The following CCDC181 variants were observed in gnomAD, a reference collection of about 807,000 sequenced individuals.
The protein encoded by CCDC181 is coiled-coil domain containing 181, also known as coiled-coil domain-containing protein 181.
In CCDC181, 35 loss-of-function variants were observed where a neutral mutation model predicts 58.7. The ratio of observed to expected loss-of-function variants is 0.60; its 90% CI spans 0.46 to 0.79. The LOEUF (loss-of-function observed/expected upper bound fraction) is 0.79, where lower values mean the gene tolerates loss of function less well. Among genes scored for constraint, CCDC181 ranks in the 30% least tolerant of loss-of-function variants. The probability of loss-of-function intolerance (pLI) is 0.00; values close to 1 mark genes in which losing one functional copy is unlikely to be tolerated. For synonymous variants in CCDC181, 183 were observed against 197.5 expected (o/e 0.93, Z 0.62); for missense variants, 517 against 583.9 (o/e 0.89, Z 1.18).
chr1:169,427,410 A>C lies in CCDC181; in HGVS notation c.-146T>G, dbSNP rs554255589. 5 of 152,492 alleles carry C rather than the reference A, an allele frequency of 3.3e-5. No individual in the cohort carries two copies. In the East Asian group the frequency reaches 5.8e-4, roughly 18 times the overall value. 9.4% of individuals were successfully genotyped at this position (152,492 alleles called of 1,614,324 possible). A position where few individuals can be genotyped will look rare whatever the true frequency, so the allele number is the denominator to read the frequency against. The stretch of plus-strand genomic sequence containing the variant: ...GGCACCTGCCTCCGCGGCAGCCAGG[A>C]CCACACTGCCATGGCAACAGCGTGC... On this transcript the variant is annotated 5_prime_UTR_variant, in exon 1 of 6. Coordinates refer to ENST00000367806, the MANE Select transcript of CCDC181 (RefSeq NM_001300969.2).
rs1293749854 is a variant in CCDC181, at chr1:169,421,960, C to A, written c.471G>T (p.Gln157His). The A allele has an allele frequency of 1.2e-6, 2 of 1,614,034 alleles. No homozygotes were observed. The highest frequency in any genetic ancestry group is 4.5e-5 in the East Asian group (2 of 44,878). The change falls in exon 3 of 6, where the codon CAG becomes CAT. Residue 157 changes from glutamine (Q) to histidine (H), a missense_variant. Gln to His is a conservative substitution (Grantham distance 24, BLOSUM62 0). Coordinates refer to ENST00000367806, the MANE Select transcript of CCDC181 (RefSeq NM_001300969.2). ...KRERKLKFKD[Q>H]LVDLEVPPLE... ...GTGGAGGAACTTCCAAATCAACTAA[C>A]TGGTCCTTGAACTTAAGTTTTCGCT...
intron 4 of CCDC181, among the ~76,000 whole-genome samples, chr1:169,401,916 T>A (rs533484369): frequency 6.6e-6 from 1 of 152,038 alleles, no homozygotes; most frequent in Non-Finnish European, 1.5e-5. Flanking sequence ...AAAAAAAGAT[T>A]AGACGAATGG....
intron 4 of CCDC181, among the ~76,000 whole-genome samples, chr1:169,400,366 T>C (rs943712651): frequency 3.3e-5 from 5 of 152,124 alleles, no homozygotes; most frequent in African/African-American, 9.7e-5. Context: ...AAAAATTCAA[T>C]ACCCTTTAAA....
chr1:169,415,211 A>G (rs1656160650), intron 4 of CCDC181, among the ~76,000 whole-genome samples: 1 of 152,238 alleles, frequency 6.6e-6, no homozygotes, highest in Admixed American at 6.5e-5. Flanking sequence ...GAATGCCATG[A>G]GGCCTGAAGG....
At chr1:169,436,478 T>A (rs1163610333) in intron 2 of CCDC181, among the ~76,000 whole-genome samples, 1 of 152,184 alleles carries the variant, frequency 6.6e-6, no homozygotes, top group Non-Finnish European at 1.5e-5. Flanking sequence ...CAGTCATGGC[T>A]CACTGAAACC....
chr1:169,397,541 C>G lies in CCDC181; in HGVS notation c.1216-150G>C, dbSNP rs533946473. 4.9e-5 allele frequency: 30 copies of G among 618,500 alleles called. No individual in the cohort carries two copies. In the African/African-American group the frequency reaches 5.5e-4, roughly 11 times the overall value. The allele number at this position is 618,500 out of a possible 1,614,324, so 38.3% of individuals were successfully genotyped here. A position where few individuals can be genotyped will look rare whatever the true frequency, so the allele number is the denominator to read the frequency against. ...TTACCTGCATTCCTAGTATCCAAAC[C>G]AAATACATCACGCTTAAGTTTTAAG... On this transcript the variant is annotated intron_variant, in intron 4 of 5. Transcript: ENST00000367806.
intron 4 of CCDC181, among the ~76,000 whole-genome samples, chr1:169,401,625 C>T (rs1655353025): frequency 6.6e-6 from 1 of 152,076 alleles, no homozygotes; most frequent in Non-Finnish European, 1.5e-5. Context: ...ACAGAAAGGA[C>T]ATCCACACCA....
At chr1:169,423,610 A>G (rs1248508568) in intron 2 of CCDC181, among the ~76,000 whole-genome samples, 1 of 151,966 alleles carries the variant, frequency 6.6e-6, no homozygotes, top group African/African-American at 2.4e-5. Flanking sequence ...TGCTATATAT[A>G]TCCCTAGCAC....
At position 169,422,285 on chromosome 1, in the gene CCDC181, T is replaced by C; in HGVS notation, c.146A>G (p.Asn49Ser). The change falls in exon 3 of 6, where the codon AAC (asparagine) becomes AGC (serine). Residue 49 changes from asparagine (N) to serine (S), a missense_variant. Asn to Ser is a conservative substitution (Grantham distance 46). Coordinates refer to ENST00000367806, the MANE Select transcript of CCDC181 (RefSeq NM_001300969.2). ...EMACEKEENI[N>S]QDLKENETVM... ...TGTCTCATTCTCTTTTAAGTCTTGG[T>C]TAATATTCTCTTCCTTCTCACAAGC... 6.4e-7 allele frequency: 1 copy of C among 1,573,354 alleles called. No individual in the cohort carries two copies. Among genetic ancestry groups the C allele is most frequent in the South Asian group, 1.2e-5 (1 of 85,960 alleles).
intron 4 of CCDC181, among the ~76,000 whole-genome samples, chr1:169,407,311 T>C (rs1010817725): frequency 3.3e-5 from 5 of 152,094 alleles, no homozygotes; most frequent in South Asian, 2.1e-4. Context: ...ACAAAGGACA[T>C]TGTAAAACAA....
intron 4 of CCDC181, among the ~76,000 whole-genome samples, chr1:169,413,552 A>C (rs1656072787): frequency 6.6e-6 from 1 of 152,226 alleles, no homozygotes; most frequent in Non-Finnish European, 1.5e-5. Context: ...TTATTCTACT[A>C]TAAAGACACA....
rs1448518780 is a variant in CCDC181 at position 169,459,927 on chromosome 1, AAAG to A, written c.-91-66_-91-64del. ...TAGGAAAAAAAAAAAAAAAAAAAAA[AAAG>A]GAGGAGGCGGAGGGGAAGCAGGAGC... On this transcript the variant is annotated intron_variant, in intron 1 of 6. Transcript: ENST00000545005. 2.5e-4 allele frequency: 38 copies of A among 151,112 alleles called. 2 individuals are homozygous for A. In the East Asian group the frequency reaches 6.8e-3, roughly 27 times the overall value. The allele number at this position is 151,112 out of a possible 1,614,324, so 9.4% of individuals were successfully genotyped here.
chr1:169,412,106 ATAT>A (rs1655995011), intron 4 of CCDC181, among the ~76,000 whole-genome samples: 2 of 152,210 alleles, frequency 1.3e-5, no homozygotes, highest in African/African-American at 2.4e-5. Flanking sequence ...TTTGCAGATG[ATAT>A]TATTGTATGT....
intron 2 of CCDC181, among the ~76,000 whole-genome samples, chr1:169,440,863 G>A (rs1028745930): frequency 1.4e-5 from 2 of 145,938 alleles, no homozygotes; most frequent in African/African-American, 5.1e-5. Context: ...GAACCCAGGA[G>A]GCAGGAGGCT....
chr1:169,409,231 T>C (rs1380244597), intron 4 of CCDC181, among the ~76,000 whole-genome samples: 2 of 152,128 alleles, frequency 1.3e-5, no homozygotes, highest in Non-Finnish European at 2.9e-5. Flanking sequence ...GCATGAGAAC[T>C]TCGTGAAACA....
chr1:169,428,280 A>G (rs1378448456), upstream of CCDC181, among the ~76,000 whole-genome samples: 1 of 152,206 alleles, frequency 6.6e-6, no homozygotes, highest in Non-Finnish European at 1.5e-5. Flanking sequence ...TAATGACCTA[A>G]TGTTGCTACT....
intron 2 of CCDC181, among the ~76,000 whole-genome samples, chr1:169,422,948 C>T (rs1005704792): frequency 1.3e-5 from 2 of 151,206 alleles, no homozygotes; most frequent in Non-Finnish European, 3.0e-5. Flanking sequence ...GTTAATTCCA[C>T]ATGAACCATA....
At position 169,419,091 on chromosome 1, in the gene CCDC181, C is replaced by A. The variant is rs1416168250; in HGVS notation, c.1137G>T (p.Trp379Cys). The A allele has an allele frequency of 6.2e-7, 1 of 1,613,540 alleles. No individual in the cohort carries two copies. Among genetic ancestry groups the A allele is most frequent in the Admixed American group, 1.7e-5 (1 of 59,954 alleles). ...KRENDIVFKA[W>C]LQKKREQVLE... ...AGACCTGCTCTCTTTTCTTTTGCAA[C>A]CACGCTTTAAATACTATGTCATTCT... is the stretch of plus-strand genomic sequence containing the variant. The change falls in exon 4 of 6, where the codon TGG (tryptophan) becomes TGT (cysteine). Residue 379 changes from tryptophan (W) to cysteine (C), a missense_variant. By Grantham distance (215) the Trp-to-Cys change is radical. Transcript: ENST00000367806.
At chr1:169,457,273 T>G (rs1657700097) in intron 2 of CCDC181, among the ~76,000 whole-genome samples, 1 of 152,184 alleles carries the variant, frequency 6.6e-6, no homozygotes, top group Non-Finnish European at 1.5e-5. Context: ...TGTGGATTCA[T>G]GTTTTTCGTC....
Sources: allele counts gnomAD v4.1 joint callset (sites outside exome capture counted in the v4.1 genomes callset), GRCh38; gene constraint gnomAD v4.1.1; transcripts MANE v1.5; gene names NCBI Gene and HGNC (gene_info 2026-07-23, HGNC 2026-07-21).